COL25A1: variants seen among roughly 807,000 people sequenced by gnomAD.
COL25A1 encodes collagen type XXV alpha 1 chain.
Under a neutral mutation model 128.4 loss-of-function variants are expected in COL25A1, and 103 were observed. The observed-to-expected ratio is 0.80, with a 90% CI of 0.68 to 0.94. COL25A1 has a LOEUF of 0.94. COL25A1 is among the 40% of genes least tolerant of loss of function. The probability of loss-of-function intolerance (pLI) is 0.00; values close to 1 mark genes in which losing one functional copy is unlikely to be tolerated. For synonymous variants in COL25A1, 279 were observed against 277.2 expected (o/e 1.01, Z -0.06); for missense variants, 745 against 840.0 (o/e 0.89, Z 1.40).
chr4:108,983,076 A>T (rs1560970054), intron 6 of COL25A1, among the ~76,000 whole-genome samples: 1 of 152,230 alleles, frequency 6.6e-6, no homozygotes, highest in East Asian at 1.9e-4. Flanking sequence ...CAAATTAAAT[A>T]CAGTCAAATT....
intron 3 of COL25A1, among the ~76,000 whole-genome samples, chr4:109,293,459 ACT>A (rs1724666099): frequency 6.6e-6 from 1 of 152,024 alleles, no homozygotes; most frequent in Non-Finnish European, 1.5e-5. Context: ...ACAGATTCTG[ACT>A]CTCAATATTA....
At chr4:109,149,049 T>TATACA (rs1237855355) in intron 3 of COL25A1, among the ~76,000 whole-genome samples, 1 of 152,238 alleles carries the variant, frequency 6.6e-6, no homozygotes, top group African/African-American at 2.4e-5. Flanking sequence ...CCTTCAATTG[T>TATACA]ATTATCATAC....
At chr4:109,097,565 A>G (rs1232009428) in intron 3 of COL25A1, among the ~76,000 whole-genome samples, 1 of 151,722 alleles carries the variant, frequency 6.6e-6, no homozygotes, top group Non-Finnish European at 1.5e-5. Context: ...GTGAGCCCAG[A>G]TGGCACCATA....
chr4:109,213,492 G>A (rs928084923), intron 3 of COL25A1, among the ~76,000 whole-genome samples: 4 of 152,104 alleles, frequency 2.6e-5, no homozygotes, highest in Admixed American at 2.0e-4. Context: ...CCAGCTGCAC[G>A]CTGTTGAGGG....
chr4:108,976,954 T>G (rs2125991606), intron 6 of COL25A1, among the ~76,000 whole-genome samples: 1 of 152,346 alleles, frequency 6.6e-6, no homozygotes, highest in Non-Finnish European at 1.5e-5. Context: ...ATGATAATCC[T>G]TTTACAGATG....
chr4:108,860,981 T>G lies in COL25A1; in HGVS notation c.1198-10A>C. On this transcript the variant is annotated splice_polypyrimidine_tract_variant and intron_variant, in intron 22 of 37. Coordinates refer to ENST00000399132, the MANE Select transcript of COL25A1 (RefSeq NM_198721.4). ...TTTCTCCACGATCCCCCTTTTCCCG[T>G]TGGAAAGAGAAAAAACTTAATCAGA... 1 of 1,612,932 alleles carries G rather than the reference T, an allele frequency of 6.2e-7. No individual in the cohort carries two copies. Among genetic ancestry groups the G allele is most frequent in the African/African-American group, 1.3e-5 (1 of 74,952 alleles).
chr4:109,109,480 G>A (rs867990244), intron 3 of COL25A1, among the ~76,000 whole-genome samples: 18 of 152,106 alleles, frequency 1.2e-4, no homozygotes, highest in Non-Finnish European at 7.4e-5. Flanking sequence ...TGATCTGCCC[G>A]CCACAGCCTC....
chr4:109,233,541 C>T (rs6533421), intron 3 of COL25A1, among the ~76,000 whole-genome samples: 36,347 of 151,064 alleles, frequency 0.24, 5,805 homozygotes, highest in African/African-American at 0.45. Flanking sequence ...TCATTGAGCA[C>T]TGAATAAGCA....
At chr4:108,938,615 G>A (rs1242884198) in intron 10 of COL25A1, among the ~76,000 whole-genome samples, 1 of 152,150 alleles carries the variant, frequency 6.6e-6, no homozygotes, top group African/African-American at 2.4e-5. Context: ...TTTCCACTTT[G>A]GGAGGCCGAG....
chr4:109,165,954 C>T (rs1353878406), intron 3 of COL25A1, among the ~76,000 whole-genome samples: 2 of 152,076 alleles, frequency 1.3e-5, no homozygotes, highest in South Asian at 2.1e-4. Context: ...GGAATTACAA[C>T]ATTTAAAAAT....
At chr4:108,825,082 G>A (rs1413660098) in intron 34 of COL25A1, 114 bp downstream of exon 34, 1 of 773,024 alleles carries the variant, frequency 1.3e-6, no homozygotes, top group Non-Finnish European at 2.2e-6. Context: ...AGCAATATAT[G>A]TTCTATGCAT....
intron 11 of COL25A1, among the ~76,000 whole-genome samples, chr4:108,930,343 C>T (rs1168831169): frequency 6.6e-6 from 1 of 152,162 alleles, no homozygotes; most frequent in East Asian, 1.9e-4. Flanking sequence ...ACCCTCCACC[C>T]TCAGCCCTAC....
intron 3 of COL25A1, among the ~76,000 whole-genome samples, chr4:109,241,806 G>C (rs1302472801): frequency 2.0e-5 from 3 of 152,140 alleles, no homozygotes; most frequent in Admixed American, 2.0e-4. Flanking sequence ...AGTAGAGTTA[G>C]TGGAACCTAG....
At chr4:109,143,482 T>A (rs920346201) in intron 3 of COL25A1, among the ~76,000 whole-genome samples, 1 of 152,216 alleles carries the variant, frequency 6.6e-6, no homozygotes, top group African/African-American at 2.4e-5. Flanking sequence ...TTCTCCTGGA[T>A]AATATCCTAA....
intron 36 of COL25A1, among the ~76,000 whole-genome samples, chr4:108,818,030 CTATT>C (rs1316452793): frequency 1.3e-5 from 2 of 152,206 alleles, no homozygotes; most frequent in African/African-American, 4.8e-5. Context: ...ATCGATTTCT[CTATT>C]TAAATTATTC....
intron 3 of COL25A1, among the ~76,000 whole-genome samples, chr4:109,247,325 G>T (rs1780335636): frequency 6.6e-6 from 1 of 152,102 alleles, no homozygotes; most frequent in Non-Finnish European, 1.5e-5. Context: ...ACTCCAGCCT[G>T]GGCGACAGAG....
At chr4:108,838,280 G>C (rs538095634) in intron 31 of COL25A1, 1 of 778,926 alleles carries the variant, frequency 1.3e-6, no homozygotes, top group South Asian at 1.6e-5. Flanking sequence ...CCAGTTTTAG[G>C]AAACAGCAGA....
intron 3 of COL25A1, among the ~76,000 whole-genome samples, chr4:109,267,365 A>G (rs1781864021): frequency 6.6e-6 from 1 of 152,178 alleles, no homozygotes; most frequent in Non-Finnish European, 1.5e-5. Flanking sequence ...GGTACACAAA[A>G]AACATTTTCA....
rs1777773611 is a variant in COL25A1 at position 109,213,760 on chromosome 4, T to C, written c.367+86823A>G. 2.0e-5 allele frequency among the ~76,000 whole-genome samples: 3 copies of C among 152,182 alleles called. No homozygotes were observed. In the South Asian group the frequency reaches 6.2e-4, roughly 31 times the overall value. On this transcript the variant is annotated intron_variant, in intron 3 of 37. Coordinates refer to ENST00000399132, the MANE Select transcript of COL25A1 (RefSeq NM_198721.4). ...AATCATCAAGTTTTAGGGTGGCTTA[T>C]TATACAATGCAATGTCCTAACCTTA...
Sources: gnomAD v4.1 joint callset for allele counts (sites outside exome capture counted in the v4.1 genomes callset) on GRCh38, gnomAD v4.1.1 for gene constraint, MANE v1.5 for transcripts, NCBI Gene and HGNC (gene_info 2026-07-23, HGNC 2026-07-21) for gene names.